TOPBP1: variants seen among roughly 807,000 people sequenced by gnomAD.
TOPBP1 encodes the protein DNA topoisomerase II binding protein 1.
Under a neutral mutation model 167.7 loss-of-function variants are expected in TOPBP1, and 28 were observed. The ratio of observed to expected loss-of-function variants is 0.17; its 90% CI spans 0.12 to 0.23. The LOEUF is 0.23. Ranked by LOEUF, TOPBP1 falls within the 10% of genes least tolerant of loss-of-function variation. The pLI is 1.00. For missense variants in TOPBP1, 1,554 were observed against 1,809.6 expected (o/e 0.86, Z 2.56); for synonymous variants, 598 against 611.4 (o/e 0.98, Z 0.32).
At chr3:133,612,272 T>G in intron 24 of TOPBP1, 117 bp downstream of exon 24, 2 of 1,147,382 alleles carry the variant, frequency 1.7e-6, no homozygotes, top group South Asian at 1.5e-5. Context: ...ACTCCTGATC[T>G]CAGGTGATCC....
At chr3:133,651,412 A>C (rs1339927528) in intron 8 of TOPBP1, among the ~76,000 whole-genome samples, 1 of 151,350 alleles carries the variant, frequency 6.6e-6, no homozygotes, top group Non-Finnish European at 1.5e-5. Flanking sequence ...CTGGTCTCCA[A>C]CTCCTGACCT....
rs1375821186 is a variant in TOPBP1 at position 133,623,141 on chromosome 3, T to C, written c.3128A>G (p.Asn1043Ser). Residue 1043 changes from asparagine to serine, a missense_variant, in exon 19 of 28, where the codon AAT (asparagine) becomes AGT (serine). This residue lies in a region of TOPBP1 where 1,197 missense variants were observed against 1,351.5 expected (regional missense o/e 0.89). Coordinates refer to ENST00000260810, the MANE Select transcript of TOPBP1 (RefSeq NM_007027.4). ...ENDVDNMATN[N>S]KESAPSNGSG... ...TCCATTTGATGGTGCTGACTCTTTA[T>C]TATTGGTGGCCATATTGTCTACATC... The C allele has an allele frequency of 3.1e-6, 5 of 1,612,366 alleles. No homozygotes were observed. Among genetic ancestry groups the C allele is most frequent in the Non-Finnish European group, 4.2e-6 (5 of 1,178,808 alleles).
intron 14 of TOPBP1, among the ~76,000 whole-genome samples, chr3:133,634,094 T>C (rs1394153024): frequency 6.6e-6 from 1 of 152,252 alleles, no homozygotes; most frequent in African/African-American, 2.4e-5. Context: ...TTCTCATCTC[T>C]CAGACCAAAA....
At position 133,623,403 on chromosome 3, in the gene TOPBP1, G is replaced by T; in HGVS notation, c.2983C>A (p.Pro995Thr). The change falls in exon 18 of 28, where the codon CCC becomes ACC. Residue 995 changes from proline (P) to threonine (T), a missense_variant. Physicochemically the swap from Pro to Thr is conservative, Grantham distance 38. Transcript: ENST00000260810. ...GCGCTGATATCCAAGCTCATTTTGG[G>T]ATTATAAGTATGTGGATAAAGAGAT... ...PESLYPHTYN[P>T]KMSLDISAVQ... is the part of the protein sequence containing the mutation. 6.2e-7 allele frequency: 1 copy of T among 1,613,010 alleles called. No homozygotes were observed. Among genetic ancestry groups the T allele is most frequent in the South Asian group, 1.1e-5 (1 of 90,908 alleles).
At chr3:133,650,519 C>G (rs773737457) in intron 8 of TOPBP1, among the ~76,000 whole-genome samples, 2 of 152,048 alleles carry the variant, frequency 1.3e-5, no homozygotes, top group Non-Finnish European at 2.9e-5. Context: ...AGTCAAAGAA[C>G]TGAACACAAT....
rs770906948 is a variant in TOPBP1, at chr3:133,623,187, G to C, written c.3082C>G (p.Pro1028Ala). 3.1e-6 allele frequency: 5 copies of C among 1,611,434 alleles called. No individual in the cohort carries two copies. The African/African-American group carries it at 5.4e-5, about 17-fold the overall frequency. ...VSSTKDDEPD[P>A]LILEENDVDN... ...ACATCATTTTCTTCTAAAATCAAAG[G>C]ATCTGGCTATTGAAAAAGAAAAATT... Residue 1028 changes from proline to alanine, a missense_variant, in exon 19 of 28, where the codon CCT (proline) becomes GCT (alanine). Coordinates refer to ENST00000260810, the MANE Select transcript of TOPBP1 (RefSeq NM_007027.4).
At position 133,649,650 on chromosome 3, in the gene TOPBP1, T is replaced by C. The variant is rs1424653055; in HGVS notation, c.1254-17A>G. ...ACATGAGGCCTACAAAAATAGCACA[T>C]AGTTATGTATTAGTGCAAGCTATAA... On this transcript the variant is annotated splice_polypyrimidine_tract_variant and intron_variant, in intron 9 of 27. Coordinates refer to ENST00000260810, the MANE Select transcript of TOPBP1 (RefSeq NM_007027.4). The C allele has an allele frequency of 3.1e-6, 5 of 1,611,454 alleles. No homozygotes were observed. The highest frequency in any genetic ancestry group is 2.2e-5 in the East Asian group (1 of 44,856).
chr3:133,620,407 A>G, intron 19 of TOPBP1, 60 bp from the exon 20 acceptor site: 3 of 1,542,036 alleles, frequency 1.9e-6, no homozygotes, highest in South Asian at 1.2e-5. Context: ...CATATCTTAC[A>G]TTAACTATTT....
chr3:133,655,200 G>C (rs1302798193), intron 6 of TOPBP1, 90 bp downstream of exon 6: 4 of 866,724 alleles, frequency 4.6e-6, no homozygotes, highest in Non-Finnish European at 5.9e-6. Context: ...GCAAGACTCT[G>C]TCTCAAAATA....
rs776132654 is a variant in TOPBP1 at position 133,611,008 on chromosome 3, A to G, written c.4169T>C (p.Val1390Ala). 2 of 1,611,798 alleles carry G rather than the reference A, an allele frequency of 1.2e-6. No homozygotes were observed. The highest frequency in any genetic ancestry group is 8.5e-7 in the Non-Finnish European group (1 of 1,178,612). ...TATATAATTGTGTTTTAATACCTCA[A>G]CAATGCCAGATTCTTGTCTTTGCTG... ...KIQQRQESGI[V>A]EGAFSGWKVI... Residue 1390 changes from valine to alanine, a missense_variant, in exon 25 of 28, where the codon GTT becomes GCT. By Grantham distance (64) the Val-to-Ala change is moderately conservative. Around this residue, in one of 3 missense-constraint regions of TOPBP1, gnomAD observed 351 missense variants for 432.9 expected, o/e 0.81. Coordinates refer to ENST00000260810, the MANE Select transcript of TOPBP1 (RefSeq NM_007027.4).
rs374264825 is a variant in TOPBP1, at chr3:133,637,834, G to T, written c.2520+42C>A. 3.1e-6 allele frequency: 5 copies of T among 1,593,294 alleles called. No homozygotes were observed. In the East Asian group the frequency reaches 1.1e-4, roughly 36 times the overall value. ...AATTTGGTGCTTTAACTTTATAAAC[G>T]GTAAAACTGTTAACTCTGGGACCAC... is the stretch of plus-strand genomic sequence containing the variant. On this transcript the variant is annotated intron_variant, in intron 14 of 27. Transcript: ENST00000260810.
chr3:133,642,033 T>C (rs1024362037), intron 12 of TOPBP1, among the ~76,000 whole-genome samples: 1 of 152,036 alleles, frequency 6.6e-6, no homozygotes, highest in Non-Finnish European at 1.5e-5. Context: ...TTTGTTGCCC[T>C]GGCTGGAGTA....
At position 133,661,071 on chromosome 3, in the gene TOPBP1, A is replaced by G. The variant is rs770077613; in HGVS notation, c.57T>C (p.Asn19=). 5.5e-5 allele frequency: 88 copies of G among 1,597,784 alleles called. No homozygotes were observed. In the South Asian group the frequency reaches 9.2e-4, roughly 17 times the overall value. Residue 19 remains asparagine, a synonymous_variant, in exon 2 of 28, where the codon AAT becomes AAC. Coordinates refer to ENST00000260810, the MANE Select transcript of TOPBP1 (RefSeq NM_007027.4). ...FFVKFLKSSD[N]SKCFFKALES... ...CGAGAGCTTTAAAAAAACATTTGGA[A>G]TTGTCTGAAGACTTTAAAAACTTCA...
chr3:133,619,619 A>G, intron 20 of TOPBP1, among the ~76,000 whole-genome samples: 1 of 152,364 alleles, frequency 6.6e-6, no homozygotes, highest in South Asian at 2.1e-4. Context: ...ATATTGCATT[A>G]GAAAAAGACT....
intron 23 of TOPBP1, among the ~76,000 whole-genome samples, chr3:133,613,136 C>G (rs1267682245): frequency 2.0e-5 from 3 of 152,200 alleles, no homozygotes; most frequent in Non-Finnish European, 4.4e-5. Flanking sequence ...GCTGGGATTA[C>G]AGGCGTGAGC....
intron 26 of TOPBP1, 77 bp from the exon 27 acceptor site, chr3:133,608,773 T>A: frequency 6.4e-7 from 1 of 1,569,580 alleles, no homozygotes; most frequent in East Asian, 2.2e-5. Context: ...TACTTAAGGA[T>A]TACCATTTCA....
chr3:133,614,024 C>T (rs1343181931), intron 23 of TOPBP1, among the ~76,000 whole-genome samples: 1 of 151,856 alleles, frequency 6.6e-6, no homozygotes, highest in East Asian at 1.9e-4. Context: ...AACTCCTGAC[C>T]TCATGATCTG....
intron 10 of TOPBP1, among the ~76,000 whole-genome samples, chr3:133,646,660 A>G (rs973080894): frequency 2.6e-5 from 4 of 152,154 alleles, no homozygotes; most frequent in Admixed American, 1.3e-4. Flanking sequence ...CCAAAAAAAA[A>G]AAAAAAAATC....
chr3:133,640,306 T>A (rs1935855058), intron 12 of TOPBP1, 136 bp from the exon 13 acceptor site: 2 of 748,544 alleles, frequency 2.7e-6, no homozygotes, highest in Admixed American at 2.8e-5. Flanking sequence ...GTTGGTTTAC[T>A]CTATCTGAAA....
Sources: gnomAD v4.1 joint callset for allele counts (sites outside exome capture counted in the v4.1 genomes callset) on GRCh38, gnomAD v4.1.1 for gene constraint, gnomAD v4.1.1 regional missense constraint, MANE v1.5 for transcripts, NCBI Gene and HGNC (gene_info 2026-07-23, HGNC 2026-07-21) for gene names.